Variants in GAS2L3 observed in about 807,000 individuals in gnomAD.
The protein encoded by GAS2L3 is growth arrest specific 2 like 3, also known as GAS2-like protein 3.
GAS2L3 carries 28 observed loss-of-function variants against 37.0 expected under a neutral mutation model. The observed-to-expected ratio is 0.76, with a 90% CI of 0.56 to 1.04. GAS2L3 has a LOEUF of 1.04. Among genes scored for constraint, GAS2L3 ranks in the 50% least tolerant of loss-of-function variants. GAS2L3 has a pLI of 0.00. For synonymous variants in GAS2L3, 290 were observed against 296.6 expected (o/e 0.98, Z 0.23); for missense variants, 793 against 817.6 (o/e 0.97, Z 0.37).
chr12:100,622,787 A>T (rs1956275432), intron 9 of GAS2L3, among the ~76,000 whole-genome samples: 1 of 148,692 alleles, frequency 6.7e-6, no homozygotes, highest in Admixed American at 6.7e-5. Flanking sequence ...AAAAAAGAAA[A>T]GAAAGAAGTG....
chr12:100,604,321 G>A (rs369309701), intron 5 of GAS2L3, among the ~76,000 whole-genome samples: 3 of 151,882 alleles, frequency 2.0e-5, no homozygotes, highest in East Asian at 1.9e-4. Context: ...CTTAGCTTAA[G>A]TTAATTCCTA....
At chr12:100,617,100 C>T (rs193205979) in intron 6 of GAS2L3, among the ~76,000 whole-genome samples, 125 of 143,686 alleles carry the variant, frequency 8.7e-4, no homozygotes, top group African/African-American at 3.1e-3. Context: ...TTCCTTTATT[C>T]TGCTAATAGT....
intron 1 of GAS2L3, among the ~76,000 whole-genome samples, chr12:100,588,085 C>T (rs1955802740): frequency 6.6e-6 from 1 of 151,984 alleles, no homozygotes; most frequent in African/African-American, 2.4e-5. Flanking sequence ...AAAGGGCATC[C>T]AAATCGGTAA....
At chr12:100,578,806 C>A in intron 1 of GAS2L3, 1 of 639,278 alleles carries the variant, frequency 1.6e-6, no homozygotes, top group Non-Finnish European at 2.9e-6. Flanking sequence ...CTCAGGTTAG[C>A]CCTGGAAGTC....
intron 5 of GAS2L3, among the ~76,000 whole-genome samples, chr12:100,610,391 C>A (rs890422374): frequency 1.3e-5 from 2 of 152,142 alleles, no homozygotes; most frequent in African/African-American, 2.4e-5. Context: ...ACACACAAAT[C>A]AAATTGAAGA....
chr12:100,601,749 CA>C lies in GAS2L3; in HGVS notation c.300del (p.Asn102IlefsTer4), dbSNP rs748566215. The C allele has an allele frequency of 4.6e-6, 7 of 1,523,186 alleles. No homozygotes were observed. The highest frequency in any genetic ancestry group is 4.5e-6 in the Non-Finnish European group (5 of 1,103,224). 94.4% of individuals were successfully genotyped at this position (1,523,186 alleles called of 1,614,324 possible). On this transcript the variant is annotated frameshift_variant, in exon 5 of 10. Transcript: ENST00000547754. LOFTEE classifies it high-confidence loss of function. Reference protein sequence around the residue: ...NMVKTCNSEESGNFPMRKVPC... With the variant: ...NMVKTCNSEEXGNFPMRKVPC... ...GTGAAAACATGCAACTCTGAAGAAT[CA>C]GGGGTAAGTAAATGTTCGACAGTAT...
chr12:100,608,584 C>T (rs1031260962), intron 5 of GAS2L3, among the ~76,000 whole-genome samples: 1 of 152,042 alleles, frequency 6.6e-6, no homozygotes, highest in African/African-American at 2.4e-5. Flanking sequence ...TGCAGTGGCA[C>T]AATCTCAGCT....
intron 3 of GAS2L3, among the ~76,000 whole-genome samples, chr12:100,597,952 T>A (rs1955935330): frequency 2.0e-5 from 3 of 152,154 alleles, no homozygotes; most frequent in Non-Finnish European, 4.4e-5. Context: ...AGTTCTTTTT[T>A]AAAAGTTTGG....
chr12:100,619,009 T>C (rs557396734), intron 8 of GAS2L3, among the ~76,000 whole-genome samples: 4 of 152,176 alleles, frequency 2.6e-5, no homozygotes, highest in African/African-American at 9.6e-5. Context: ...GCAGCAGTAA[T>C]GGGGATGGAG....
chr12:100,616,788 T>C (rs563477260), intron 6 of GAS2L3, among the ~76,000 whole-genome samples: 5 of 152,282 alleles, frequency 3.3e-5, no homozygotes, highest in African/African-American at 9.6e-5. Flanking sequence ...CTTCTTCCTT[T>C]CTAGTCTATA....
chr12:100,611,989 G>T lies in GAS2L3; in HGVS notation c.304-11G>T, dbSNP rs775019413. 1.3e-6 allele frequency: 2 copies of T among 1,571,124 alleles called. No individual in the cohort carries two copies. Among genetic ancestry groups the T allele is most frequent in the Admixed American group, 1.7e-5 (1 of 58,016 alleles). On this transcript the variant is annotated splice_polypyrimidine_tract_variant and intron_variant, in intron 5 of 9. Transcript: ENST00000547754. ...GATACATTTTTGAAATTATTCTTTT[G>T]TCTTTTCCAGAATTTTCCAATGAGA... is the stretch of plus-strand genomic sequence containing the variant.
At chr12:100,576,288 G>A (rs1208132396) in intron 1 of GAS2L3, among the ~76,000 whole-genome samples, 1 of 152,024 alleles carries the variant, frequency 6.6e-6, no homozygotes. Flanking sequence ...TAAGTTTGGA[G>A]ATAATAGGAA....
At chr12:100,586,611 C>T (rs76607481) in intron 1 of GAS2L3, among the ~76,000 whole-genome samples, 112 of 152,184 alleles carry the variant, frequency 7.4e-4, no homozygotes, top group African/African-American at 2.6e-3. Context: ...TTGCCCCAAA[C>T]GTGTATATCA....
intron 8 of GAS2L3, among the ~76,000 whole-genome samples, chr12:100,621,241 A>G (rs1956248040): frequency 6.6e-6 from 1 of 152,134 alleles, no homozygotes; most frequent in South Asian, 2.1e-4. Context: ...TGAGAAAAAC[A>G]TTCATGACCT....
chr12:100,603,805 T>A (rs973458768), intron 5 of GAS2L3, among the ~76,000 whole-genome samples: 38 of 152,158 alleles, frequency 2.5e-4, no homozygotes, highest in African/African-American at 8.9e-4. Context: ...TTCATTTTTA[T>A]ATATGGTGAG....
At chr12:100,612,489 C>A (rs893307184) in intron 6 of GAS2L3, 6 of 200,968 alleles carry the variant, frequency 3.0e-5, no homozygotes, top group Non-Finnish European at 2.0e-5. Flanking sequence ...CGGATAATTA[C>A]GGAAATGACA....
chr12:100,593,200 A>T (rs1272210814), intron 2 of GAS2L3, among the ~76,000 whole-genome samples: 2 of 152,146 alleles, frequency 1.3e-5, no homozygotes, highest in Admixed American at 1.3e-4. Context: ...TGATTGACTG[A>T]TAAAATCTCA....
chr12:100,585,054 ATT>A (rs34714372), intron 1 of GAS2L3, among the ~76,000 whole-genome samples: 2,435 of 118,588 alleles, frequency 0.021, 56 homozygotes, highest in African/African-American at 0.064. Context: ...ACACCTGGCT[ATT>A]TTTTTTTTTT....
At chr12:100,576,338 TTGA>T (rs1291305261) in intron 1 of GAS2L3, among the ~76,000 whole-genome samples, 9 of 152,214 alleles carry the variant, frequency 5.9e-5, no homozygotes, top group South Asian at 2.1e-4. Flanking sequence ...GAGCTTGCTG[TTGA>T]TGATGAGGAA....
Sources: allele counts gnomAD v4.1 joint callset (sites outside exome capture counted in the v4.1 genomes callset), GRCh38; gene constraint gnomAD v4.1.1; transcripts MANE v1.5; gene names NCBI Gene and HGNC (gene_info 2026-07-23, HGNC 2026-07-21).